ADGRL2: variants seen among roughly 807,000 people sequenced by gnomAD.
ADGRL2 encodes adhesion G protein-coupled receptor L2.
In ADGRL2, 44 loss-of-function variants were observed where a neutral mutation model predicts 157.4. The ratio of observed to expected loss-of-function variants is 0.28; its 90% CI spans 0.22 to 0.36. The LOEUF (loss-of-function observed/expected upper bound fraction) is 0.36, where lower values mean the gene tolerates loss of function less well. Ranked by LOEUF, ADGRL2 falls within the 10% of genes least tolerant of loss-of-function variation. The probability of loss-of-function intolerance (pLI) is 1.00; values close to 1 mark genes in which losing one functional copy is unlikely to be tolerated. For missense variants in ADGRL2, 1,510 were observed against 1,768.9 expected (o/e 0.85, Z 2.63); for synonymous variants, 585 against 624.7 (o/e 0.94, Z 0.95).
intron 2 of ADGRL2, among the ~76,000 whole-genome samples, chr1:81,535,938 A>G (rs1489185013): frequency 6.6e-6 from 1 of 152,214 alleles, no homozygotes; most frequent in African/African-American, 2.4e-5. Flanking sequence ...GTACTTCCAG[A>G]CATAATTTGT....
At chr1:81,339,424 G>T (rs1250315743) in intron 1 of ADGRL2, among the ~76,000 whole-genome samples, 1 of 152,122 alleles carries the variant, frequency 6.6e-6, no homozygotes, top group Non-Finnish European at 1.5e-5. Flanking sequence ...TGCTTCATTT[G>T]CATCTCACCT....
intron 1 of ADGRL2, among the ~76,000 whole-genome samples, chr1:81,395,363 C>T (rs2076636696): frequency 6.6e-6 from 1 of 152,040 alleles, no homozygotes; most frequent in Non-Finnish European, 1.5e-5. Flanking sequence ...ACTCATTTAC[C>T]TATTTTCAAA....
chr1:81,642,937 A>G (rs2082248552), intron 3 of ADGRL2, among the ~76,000 whole-genome samples: 2 of 152,192 alleles, frequency 1.3e-5, no homozygotes, highest in Admixed American at 6.5e-5. Context: ...CTTTAATTTG[A>G]TGAAAAATAC....
At chr1:81,965,262 A>G (rs925421240) in intron 11 of ADGRL2, among the ~76,000 whole-genome samples, 1 of 152,198 alleles carries the variant, frequency 6.6e-6, no homozygotes, top group Non-Finnish European at 1.5e-5. Context: ...CTCTCTCGCA[A>G]ATATTTAACT....
At chr1:81,930,341 A>G (rs970762032) in intron 3 of ADGRL2, among the ~76,000 whole-genome samples, 4 of 152,188 alleles carry the variant, frequency 2.6e-5, no homozygotes, top group Non-Finnish European at 2.9e-5. Flanking sequence ...AGTAATTTCC[A>G]TATACTAGTA....
chr1:81,603,494 G>A (rs1313063788), intron 3 of ADGRL2, among the ~76,000 whole-genome samples: 1 of 152,048 alleles, frequency 6.6e-6, no homozygotes, highest in African/African-American at 2.4e-5. Context: ...AGGTATGTAT[G>A]TCAATGCCCA....
At chr1:81,316,791 T>G (rs1434971713) in intron 1 of ADGRL2, among the ~76,000 whole-genome samples, 2 of 152,206 alleles carry the variant, frequency 1.3e-5, no homozygotes, top group African/African-American at 4.8e-5. Context: ...TGTATGTGTA[T>G]GTACCTATAC....
At chr1:81,409,793 G>C (rs1026670656) in intron 1 of ADGRL2, among the ~76,000 whole-genome samples, 1 of 152,186 alleles carries the variant, frequency 6.6e-6, no homozygotes, top group Non-Finnish European at 1.5e-5. Context: ...TGTGCAATTT[G>C]TTAGCAAGAA....
At chr1:81,830,313 C>G (rs927233612) in intron 1 of ADGRL2, among the ~76,000 whole-genome samples, 7 of 152,004 alleles carry the variant, frequency 4.6e-5, no homozygotes, top group Non-Finnish European at 1.0e-4. Flanking sequence ...CTTGACTGGA[C>G]ATACATGAAA....
intron 1 of ADGRL2, among the ~76,000 whole-genome samples, chr1:81,408,926 C>A (rs911743267): frequency 2.6e-5 from 4 of 152,146 alleles, no homozygotes; most frequent in African/African-American, 9.7e-5. Context: ...TTCTTTGGAT[C>A]AAATAGGAAG....
At chr1:81,751,742 C>T (rs1056947772) in intron 1 of ADGRL2, among the ~76,000 whole-genome samples, 1 of 151,830 alleles carries the variant, frequency 6.6e-6, no homozygotes, top group East Asian at 1.9e-4. Flanking sequence ...AGGAAAATAT[C>T]CTTGTTTGTT....
rs557507628 is a variant in ADGRL2, at chr1:81,991,431, A to G, written c.*286A>G. The G allele has an allele frequency of 4.0e-6, 1 of 251,754 alleles. No homozygotes were observed. The highest frequency in any genetic ancestry group is 4.8e-5 in the Admixed American group (1 of 20,858). The allele number at this position is 251,754 out of a possible 1,614,324, so 15.6% of individuals were successfully genotyped here. On this transcript the variant is annotated 3_prime_UTR_variant, in exon 24 of 24. Transcript: ENST00000686636. ...TGCTGTTTAGAGAAATTGTGAAACAAGCAAAACAAAACTTTCCAGCCATTT... is the reference window on the plus strand; with the variant it reads ...TGCTGTTTAGAGAAATTGTGAAACAGGCAAAACAAAACTTTCCAGCCATTT...
At chr1:81,529,073 T>C (rs1452796703) in intron 2 of ADGRL2, among the ~76,000 whole-genome samples, 1 of 152,130 alleles carries the variant, frequency 6.6e-6, no homozygotes, top group Non-Finnish European at 1.5e-5. Context: ...AAAACTAAGC[T>C]GAGGAGTGTG....
In ADGRL2 at chr1:81,849,167, A is replaced by G. The variant is rs149540180; in HGVS notation, c.73+12110A>G. ...GAGCTGTCACTCCATTCTTTCAACA[A>G]TGTTGTTAATTGACTGATAGCACTG... On this transcript the variant is annotated intron_variant, in intron 2 of 23. Transcript: ENST00000686636. Among the ~76,000 whole-genome samples, 21 of 152,006 alleles carry G rather than the reference A, an allele frequency of 1.4e-4. No homozygotes were observed. In the East Asian group the frequency reaches 3.9e-3, roughly 28 times the overall value.
At chr1:81,825,074 A>G (rs2091345970) in intron 1 of ADGRL2, among the ~76,000 whole-genome samples, 1 of 151,862 alleles carries the variant, frequency 6.6e-6, no homozygotes, top group Non-Finnish European at 1.5e-5. Flanking sequence ...GGCTGGGCGC[A>G]GTGGCTCAAG....
intron 3 of ADGRL2, among the ~76,000 whole-genome samples, chr1:81,642,148 T>C (rs2082230722): frequency 1.3e-5 from 2 of 148,772 alleles, no homozygotes; most frequent in Admixed American, 6.8e-5. Context: ...CTTGGAAGGC[T>C]GAGGCAGGAG....
intron 1 of ADGRL2, among the ~76,000 whole-genome samples, chr1:81,370,030 C>T (rs1452043456): frequency 6.6e-6 from 1 of 152,046 alleles, no homozygotes; most frequent in East Asian, 1.9e-4. Flanking sequence ...CAAAGAAGTT[C>T]CTCTCTGTGT....
At chr1:81,926,860 G>GT (rs2095119018) in intron 3 of ADGRL2, among the ~76,000 whole-genome samples, 1 of 151,926 alleles carries the variant, frequency 6.6e-6, no homozygotes, top group Non-Finnish European at 1.5e-5. Context: ...GGATTAATAA[G>GT]GCTCTGAGTG....
intron 1 of ADGRL2, among the ~76,000 whole-genome samples, chr1:81,378,308 C>T (rs1023381241): frequency 1.3e-5 from 2 of 152,010 alleles, no homozygotes; most frequent in Non-Finnish European, 2.9e-5. Flanking sequence ...CCCAGATACT[C>T]GGGAGTCTGA....
Sources: gnomAD v4.1 joint callset for allele counts (sites outside exome capture counted in the v4.1 genomes callset) on GRCh38, gnomAD v4.1.1 for gene constraint, MANE v1.5 for transcripts, NCBI Gene and HGNC (gene_info 2026-07-23, HGNC 2026-07-21) for gene names.